NIN: variants seen among roughly 807,000 people sequenced by gnomAD.
The protein encoded by NIN is ninein.
A neutral mutation model predicts 257.6 loss-of-function variants in NIN; 137 were observed. The ratio of observed to expected loss-of-function variants is 0.53; its 90% CI spans 0.46 to 0.61. NIN has a LOEUF of 0.61. Among genes scored for constraint, NIN ranks in the 20% least tolerant of loss-of-function variants. NIN has a pLI of 0.00. For synonymous variants in NIN, 918 were observed against 919.8 expected (o/e 1.00, Z 0.04); for missense variants, 2,439 against 2,501.2 (o/e 0.98, Z 0.53).
rs1427308463 is a variant in NIN at position 50,792,750 on chromosome 14, C to G, written c.397G>C (p.Ala133Pro). 6.2e-7 allele frequency: 1 copy of G among 1,614,058 alleles called. No homozygotes were observed. Among genetic ancestry groups the G allele is most frequent in the Non-Finnish European group, 8.5e-7 (1 of 1,180,046 alleles). ...CCGGCTGGGATGTGTGAAGGCCGCG[C>G]TTCTTCATCCAGTGGCTCAATCACC... The part of the protein sequence containing the change: ...VTVIEPLDEE[A>P]RPSHIPAGDC... Residue 133 changes from alanine to proline, a missense_variant, in exon 5 of 31, where the codon GCG (alanine) becomes CCG (proline). Physicochemically the swap from Ala to Pro is conservative, Grantham distance 27. Transcript: ENST00000530997.
chr14:50,752,158 GT>G (rs4027697), intron 21 of NIN, among the ~76,000 whole-genome samples: 10 of 148,708 alleles, frequency 6.7e-5, no homozygotes, highest in East Asian at 5.9e-4. Flanking sequence ...TATTTGTATA[GT>G]TTTTTTTTTT....
At chr14:50,781,321 G>A (rs898974066) in intron 5 of NIN, among the ~76,000 whole-genome samples, 7 of 151,998 alleles carry the variant, frequency 4.6e-5, no homozygotes, top group African/African-American at 9.7e-5. Context: ...GTTATCACTG[G>A]CCCCAAACCA....
chr14:50,807,009 G>A (rs926744183), intron 3 of NIN, among the ~76,000 whole-genome samples, 191 bp from the exon 4 acceptor site: 10 of 152,206 alleles, frequency 6.6e-5, no homozygotes, highest in East Asian at 5.8e-4. Context: ...ACCTCGTGCC[G>A]TAAACATTCA....
intron 5 of NIN, among the ~76,000 whole-genome samples, chr14:50,786,776 A>G (rs572468182): frequency 6.6e-6 from 1 of 152,372 alleles, no homozygotes; most frequent in East Asian, 1.9e-4. Context: ...TTTCAGCTAC[A>G]AAAGATCTTA....
rs778031739 is a variant in NIN, at chr14:50,761,879, T to C, written c.1807A>G (p.Met603Val). The change falls in exon 16 of 31, where the codon ATG (methionine) becomes GTG (valine). Residue 603 changes from methionine to valine, a missense_variant. This residue lies in a region of NIN where 2,043 missense variants were observed against 2,050.2 expected (regional missense o/e 1.00). Transcript: ENST00000530997. ...LGSEECNPLN[M>V]SIEAELVIEQ... ...ATGACCAGCTCTGCCTCAATGCTCA[T>C]ATTCAATGGATTGCATTCTTCAGAA... The C allele has an allele frequency of 1.2e-6, 2 of 1,614,086 alleles. No individual in the cohort carries two copies. The highest frequency in any genetic ancestry group is 8.5e-7 in the Non-Finnish European group (1 of 1,180,030).
At chr14:50,736,471 A>G (rs546306422) in intron 27 of NIN, among the ~76,000 whole-genome samples, 51 of 152,312 alleles carry the variant, frequency 3.3e-4, no homozygotes, top group African/African-American at 1.2e-3. Flanking sequence ...GGAAGAACCT[A>G]GTGAGCTAGA....
rs533957794 is a variant in NIN, at chr14:50,764,763, A to C, written c.1636-799T>G. Among the ~76,000 whole-genome samples, 4 of 152,262 alleles carry C rather than the reference A, an allele frequency of 2.6e-5. No individual in the cohort carries two copies. The East Asian group carries it at 5.8e-4, about 22-fold the overall frequency. On this transcript the variant is annotated intron_variant, in intron 14 of 30. Coordinates refer to ENST00000530997, the MANE Select transcript of NIN (RefSeq NM_020921.4). ...TTTATATGAAATGTATAGAATATGC[A>C]AATCTGTAGAGACACAAAGTACACT...
At chr14:50,797,897 G>T (rs1479569509) in intron 4 of NIN, among the ~76,000 whole-genome samples, 4 of 151,944 alleles carry the variant, frequency 2.6e-5, no homozygotes, top group Non-Finnish European at 4.4e-5. Flanking sequence ...ATAGATGTGG[G>T]AAGACCACCA....
chr14:50,802,712 A>G (rs2044151943), intron 4 of NIN, among the ~76,000 whole-genome samples: 1 of 152,066 alleles, frequency 6.6e-6, no homozygotes, highest in Admixed American at 6.5e-5. Context: ...GATTTTATGT[A>G]TTTTTTCAGC....
chr14:50,771,548 C>A, intron 9 of NIN, 80 bp from the exon 10 acceptor site: 2 of 1,479,214 alleles, frequency 1.4e-6, no homozygotes, highest in Admixed American at 1.8e-5. Flanking sequence ...GAAGGCTATA[C>A]AAACTCTGAG....
Position 50,778,771 on chromosome 14 carries a change from C to T in NIN, c.469G>A (p.Ala157Thr), listed in dbSNP as rs749414947. The part of the protein sequence containing the change: ...WKTQRSEEYE[A>T]EGQLRFWNPD... ...TGACACACTCGGCTCTTACCTTCCG[C>T]TTCATACTCCTCACTGCGTTGCGTC... The change falls in exon 6 of 31, where the codon GCG becomes ACG. Residue 157 changes from alanine to threonine, a missense_variant. This residue lies in a region of NIN where 387 missense variants were observed against 427.3 expected (regional missense o/e 0.91). Transcript: ENST00000530997. 6 of 1,614,134 alleles carry T rather than the reference C, an allele frequency of 3.7e-6. No individual in the cohort carries two copies. Among genetic ancestry groups the T allele is most frequent in the Admixed American group, 3.3e-5 (2 of 60,010 alleles).
rs2042054039 is a variant in NIN, at chr14:50,756,950, A to C, written c.4080T>G (p.Asp1360Glu). ...ASLENLEIEPDGNILQLNQTL... is the reference protein window; with the variant it reads ...ASLENLEIEPEGNILQLNQTL... Reference sequence around the variant, plus strand: ...TCTGATTGAGCTGGAGTATATTTCCATCAGGTTCGATTTCCAGGTTCTCTA... The same window carrying C: ...TCTGATTGAGCTGGAGTATATTTCCCTCAGGTTCGATTTCCAGGTTCTCTA... Residue 1360 changes from aspartate (D) to glutamate (E), a missense_variant, in exon 18 of 31, where the codon GAT (aspartate) becomes GAG (glutamate). Physicochemically the swap from Asp to Glu is conservative, Grantham distance 45 (BLOSUM62 2). Around this residue, in one of 3 missense-constraint regions of NIN, gnomAD observed 2,043 missense variants for 2,050.2 expected, o/e 1.00. Transcript: ENST00000530997. 6.3e-7 allele frequency: 1 copy of C among 1,596,930 alleles called. No individual in the cohort carries two copies. The highest frequency in any genetic ancestry group is 1.1e-5 in the South Asian group (1 of 89,332).
intron 27 of NIN, among the ~76,000 whole-genome samples, chr14:50,737,680 CTG>C (rs1231992206): frequency 1.4e-5 from 2 of 143,094 alleles, no homozygotes; most frequent in African/African-American, 2.6e-5. Flanking sequence ...GAGTCTCACT[CTG>C]TTACCCAGGC....
chr14:50,809,066 C>CA (rs1229166759), intron 3 of NIN, among the ~76,000 whole-genome samples: 1 of 152,102 alleles, frequency 6.6e-6, no homozygotes, highest in African/African-American at 2.4e-5. Context: ...ACTAAAAATA[C>CA]AAAAATTAGC....
intron 3 of NIN, among the ~76,000 whole-genome samples, chr14:50,809,601 T>G (rs2044488893): frequency 6.6e-6 from 1 of 152,168 alleles, no homozygotes; most frequent in Non-Finnish European, 1.5e-5. Context: ...AGGCGTAAGT[T>G]TTGATGGAGG....
intron 4 of NIN, among the ~76,000 whole-genome samples, chr14:50,801,130 AC>A (rs2044084866): frequency 8.2e-6 from 1 of 122,444 alleles, no homozygotes; most frequent in Non-Finnish European, 1.6e-5. Context: ...TCGCTTTGTC[AC>A]TCAGGCTGGT....
At chr14:50,728,258 T>C (rs540518891) in intron 29 of NIN, among the ~76,000 whole-genome samples, 1 of 152,276 alleles carries the variant, frequency 6.6e-6, no homozygotes, top group South Asian at 2.1e-4. Flanking sequence ...AGTTCAATTA[T>C]ATACTGGAGA....
chr14:50,726,307 C>A (rs1161334042), intron 29 of NIN: 6 of 440,378 alleles, frequency 1.4e-5, no homozygotes, highest in Non-Finnish European at 2.4e-5. Flanking sequence ...TTACCATCAT[C>A]CCCCTGATAT....
intron 25 of NIN, among the ~76,000 whole-genome samples, chr14:50,740,539 G>A (rs2041233192): frequency 6.6e-6 from 1 of 151,986 alleles, no homozygotes; most frequent in Admixed American, 6.6e-5. Flanking sequence ...TAGTAGAGAT[G>A]GGGTTTCAAC....
Sources: allele counts gnomAD v4.1 joint callset (sites outside exome capture counted in the v4.1 genomes callset), GRCh38; gene constraint gnomAD v4.1.1; regional missense constraint gnomAD v4.1.1; transcripts MANE v1.5; gene names NCBI Gene and HGNC (gene_info 2026-07-23, HGNC 2026-07-21).